The following SYT17 variants were observed in gnomAD, a reference collection of about 807,000 sequenced individuals.
SYT17 encodes the protein synaptotagmin-17.
SYT17 carries 22 observed loss-of-function variants against 46.7 expected under a neutral mutation model. The ratio of observed to expected loss-of-function variants is 0.47; its 90% CI spans 0.34 to 0.67. The LOEUF is 0.67. SYT17 is among the 30% of genes least tolerant of loss of function. The probability of loss-of-function intolerance (pLI) is 0.01; values close to 1 mark genes in which losing one functional copy is unlikely to be tolerated. For missense variants in SYT17, 519 were observed against 612.8 expected (o/e 0.85, Z 1.62); for synonymous variants, 251 against 248.4 (o/e 1.01, Z -0.10).
chr16:19,202,331 T>C (rs1049686596), intron 5 of SYT17, among the ~76,000 whole-genome samples: 2 of 152,190 alleles, frequency 1.3e-5, no homozygotes, highest in African/African-American at 4.8e-5. Flanking sequence ...TTACTTACTA[T>C]GACCAGTTTA....
chr16:19,204,454 C>T (rs1965588922), intron 5 of SYT17, among the ~76,000 whole-genome samples: 1 of 151,992 alleles, frequency 6.6e-6, no homozygotes, highest in African/African-American at 2.4e-5. Flanking sequence ...GAGCCTCACT[C>T]AGCTTTCGGC....
At chr16:19,225,483 G>A (rs1228499944) in intron 7 of SYT17, among the ~76,000 whole-genome samples, 3 of 152,108 alleles carry the variant, frequency 2.0e-5, no homozygotes, top group African/African-American at 7.2e-5. Context: ...CCAAAATTTA[G>A]TAGCTTGAAA....
intron 3 of SYT17, among the ~76,000 whole-genome samples, chr16:19,174,620 T>A (rs996485291): frequency 6.6e-6 from 1 of 152,204 alleles, no homozygotes; most frequent in Non-Finnish European, 1.5e-5. Context: ...TGGTTCTGTA[T>A]CCAGGCTCTG....
chr16:19,239,044 G>A (rs979815012), intron 7 of SYT17, among the ~76,000 whole-genome samples: 18 of 151,786 alleles, frequency 1.2e-4, no homozygotes, highest in Admixed American at 3.9e-4. Context: ...TTGGAAGGCC[G>A]GGGCAGGAGG....
Position 19,180,506 on chromosome 16 carries a change from A to C in SYT17, c.298A>C (p.Lys100Gln). 1 of 1,614,206 alleles carries C rather than the reference A, an allele frequency of 6.2e-7. No individual in the cohort carries two copies. Residue 100 changes from lysine (K) to glutamine (Q), a missense_variant, in exon 4 of 8, where the codon AAG becomes CAG. Coordinates refer to ENST00000355377, the MANE Select transcript of SYT17 (RefSeq NM_016524.4). The part of the protein sequence containing the change: ...DGRRSSSDTS[K>Q]STYSLTRRIS... ...AAGACGCTCGTCCTCAGACACATCC[A>C]AGTCTACATACAGCCTGACGCGGAG...
chr16:19,220,303 CT>C (rs1555459738), intron 5 of SYT17, among the ~76,000 whole-genome samples: 32 of 80,514 alleles, frequency 4.0e-4, no homozygotes, highest in Admixed American at 2.8e-3. Flanking sequence ...TTCTTTCTTT[CT>C]TTTTTTTTTT....
intron 7 of SYT17, among the ~76,000 whole-genome samples, chr16:19,239,016 A>G (rs950707769): frequency 1.3e-5 from 2 of 151,208 alleles, no homozygotes; most frequent in Non-Finnish European, 3.0e-5. Context: ...CATGGCTTAT[A>G]CCTGTAATCC....
Position 19,173,492 on chromosome 16 carries a change from G to C in SYT17, c.96G>C (p.Gln32His), listed in dbSNP as rs1315299421. ...GATGGACCTGCCGGCACTGCTGTCA[G>C]AAGTGCTACGAGTCCAGCTGTTGCC... ...LCRWTCRHCC[Q>H]KCYESSCCQS... Residue 32 changes from glutamine to histidine, a missense_variant, in exon 3 of 8, where the codon CAG becomes CAC. Coordinates refer to ENST00000355377, the MANE Select transcript of SYT17 (RefSeq NM_016524.4). 6.2e-7 allele frequency: 1 copy of C among 1,612,932 alleles called. No homozygotes were observed. Among genetic ancestry groups the C allele is most frequent in the African/African-American group, 1.3e-5 (1 of 74,678 alleles).
rs571967682 is a variant in SYT17, at chr16:19,202,591, C to T, written c.951+18444C>T. Among the ~76,000 whole-genome samples the T allele has an allele frequency of 2.2e-3, 331 of 152,376 alleles. 4 individuals carry two copies. The highest frequency in any genetic ancestry group is 0.014 in the Middle Eastern group (4 of 294). On this transcript the variant is annotated intron_variant, in intron 5 of 7. Transcript: ENST00000355377. ...CAGAACTCAACCTCCAGCCCCTCCC[C>T]TCCCTGGAGGTCTGGGAGTGCAGCT...
At chr16:19,259,571 C>G (rs552944891) in intron 7 of SYT17, among the ~76,000 whole-genome samples, 27 of 152,158 alleles carry the variant, frequency 1.8e-4, no homozygotes, top group Non-Finnish European at 3.2e-4. Context: ...AACCAGATGA[C>G]TGAGTTTATT....
chr16:19,175,238 T>C (rs1463107090), intron 3 of SYT17, among the ~76,000 whole-genome samples: 1 of 152,242 alleles, frequency 6.6e-6, no homozygotes, highest in African/African-American at 2.4e-5. Context: ...TAGAGATTAA[T>C]TAAACTGATA....
At position 19,183,454 on chromosome 16, in the gene SYT17, T is replaced by C; in HGVS notation, c.332-74T>C. On this transcript the variant is annotated intron_variant, in intron 4 of 7. Coordinates refer to ENST00000355377, the MANE Select transcript of SYT17 (RefSeq NM_016524.4). This position sits in a 1 kb window ranked among gnomAD's most constrained non-coding sequence, Gnocchi z 5.6. ...TGAAGCAGAGTAAACAATGCAAGAA[T>C]CTGCTTACCTGCAAAGTGGCCCAGG... The C allele has an allele frequency of 5.1e-6, 8 of 1,567,838 alleles. No individual in the cohort carries two copies. The highest frequency in any genetic ancestry group is 6.9e-6 in the Non-Finnish European group (8 of 1,154,126).
chr16:19,243,352 G>A (rs1461013025), intron 7 of SYT17, among the ~76,000 whole-genome samples: 1 of 152,182 alleles, frequency 6.6e-6, no homozygotes, highest in Non-Finnish European at 1.5e-5. Context: ...CCCCTTAGAT[G>A]TCTGCTTTGG....
At chr16:19,230,417 A>T (rs1476378186) in intron 7 of SYT17, among the ~76,000 whole-genome samples, 1 of 152,112 alleles carries the variant, frequency 6.6e-6, no homozygotes, top group African/African-American at 2.4e-5. Flanking sequence ...AAAAAAAAAA[A>T]AATTCTGGAG....
chr16:19,242,288 C>G (rs965558278), intron 7 of SYT17, among the ~76,000 whole-genome samples: 1 of 152,092 alleles, frequency 6.6e-6, no homozygotes, highest in Non-Finnish European at 1.5e-5. Flanking sequence ...GAAAATTACT[C>G]TAAATTTGAT....
At chr16:19,241,238 C>T (rs565307611) in intron 7 of SYT17, among the ~76,000 whole-genome samples, 40 of 152,054 alleles carry the variant, frequency 2.6e-4, no homozygotes, top group African/African-American at 8.0e-4. Context: ...TGAGCCACCG[C>T]GCCCGGCCCC....
intron 7 of SYT17, among the ~76,000 whole-genome samples, chr16:19,239,500 T>A (rs1215942369): frequency 2.0e-5 from 3 of 152,122 alleles, no homozygotes; most frequent in Non-Finnish European, 4.4e-5. Context: ...TCTTTCAGCC[T>A]CTATTTTTCT....
At chr16:19,214,115 G>T (rs1350084358) in intron 5 of SYT17, among the ~76,000 whole-genome samples, 1 of 152,130 alleles carries the variant, frequency 6.6e-6, no homozygotes, top group African/African-American at 2.4e-5. Flanking sequence ...AACATCTCCA[G>T]ATGTTGCCAA....
At chr16:19,240,932 G>C (rs1261142746) in intron 7 of SYT17, among the ~76,000 whole-genome samples, 1 of 151,250 alleles carries the variant, frequency 6.6e-6, no homozygotes, top group Non-Finnish European at 1.5e-5. Context: ...ACAGCACCTA[G>C]GCTCAGTTCT....
Sources: allele counts gnomAD v4.1 joint callset (sites outside exome capture counted in the v4.1 genomes callset), GRCh38; gene constraint gnomAD v4.1.1; non-coding constraint Gnocchi (gnomAD v3.1); transcripts MANE v1.5; gene names NCBI Gene and HGNC (gene_info 2026-07-23, HGNC 2026-07-21).